PPP1R16B: variants seen among roughly 807,000 people sequenced by gnomAD.
PPP1R16B encodes protein phosphatase 1 regulatory inhibitor subunit 16B.
A neutral mutation model predicts 61.7 loss-of-function variants in PPP1R16B; 14 were observed. The ratio of observed to expected loss-of-function variants is 0.23; its 90% CI spans 0.15 to 0.35. The LOEUF is 0.35. Ranked by LOEUF, PPP1R16B falls within the 10% of genes least tolerant of loss-of-function variation. PPP1R16B has a pLI of 1.00. For synonymous variants in PPP1R16B, 266 were observed against 305.3 expected (o/e 0.87, Z 1.34); for missense variants, 547 against 752.5 (o/e 0.73, Z 3.19).
intron 10 of PPP1R16B, among the ~76,000 whole-genome samples, chr20:38,915,743 G>A (rs571149037): frequency 6.6e-6 from 1 of 152,108 alleles, no homozygotes; most frequent in East Asian, 1.9e-4. Context: ...ATCCACCATA[G>A]CCTCCCAAAG....
intron 2 of PPP1R16B, among the ~76,000 whole-genome samples, chr20:38,864,698 A>G (rs1359559223): frequency 1.3e-5 from 2 of 152,072 alleles, no homozygotes; most frequent in South Asian, 2.1e-4. Context: ...TCACCCAGAA[A>G]GACCACCGGA....
intron 1 of PPP1R16B, among the ~76,000 whole-genome samples, chr20:38,821,566 C>T (rs1184460567): frequency 1.3e-5 from 2 of 152,082 alleles, no homozygotes; most frequent in Non-Finnish European, 2.9e-5. Flanking sequence ...GCTGCCTAGA[C>T]CCTGGCACTT....
chr20:38,913,707 G>C (rs1247316619), intron 10 of PPP1R16B, among the ~76,000 whole-genome samples: 1 of 152,182 alleles, frequency 6.6e-6, no homozygotes, highest in Non-Finnish European at 1.5e-5. Context: ...AGGCTGCAAG[G>C]ACTGAGGGTT....
intron 2 of PPP1R16B, among the ~76,000 whole-genome samples, chr20:38,875,970 C>CT (rs34445273): frequency 0.3 from 31,515 of 104,136 alleles, 5,829 homozygotes; most frequent in East Asian, 0.38. Flanking sequence ...TGGTTTTGAA[C>CT]TTTTTTTTTT....
intron 2 of PPP1R16B, among the ~76,000 whole-genome samples, chr20:38,847,786 C>G (rs1362766018): frequency 6.6e-6 from 1 of 152,058 alleles, no homozygotes; most frequent in Non-Finnish European, 1.5e-5. Context: ...GGGAGAGATG[C>G]CAACTCTTTG....
chr20:38,888,048 G>A (rs1388643824), intron 2 of PPP1R16B, among the ~76,000 whole-genome samples: 1 of 152,198 alleles, frequency 6.6e-6, no homozygotes, highest in African/African-American at 2.4e-5. Context: ...CCTGCAGAAG[G>A]GATAGTCTTC....
intron 4 of PPP1R16B, among the ~76,000 whole-genome samples, chr20:38,898,104 G>T (rs567950412): frequency 6.6e-6 from 1 of 152,264 alleles, no homozygotes; most frequent in East Asian, 1.9e-4. Flanking sequence ...TCTCCTAAGA[G>T]TTTTATAGTT....
At chr20:38,887,048 C>T (rs1007574409) in intron 2 of PPP1R16B, among the ~76,000 whole-genome samples, 2 of 151,316 alleles carry the variant, frequency 1.3e-5, no homozygotes, top group African/African-American at 4.9e-5. Context: ...AGGAGTGGGG[C>T]AAAGGTGTGT....
chr20:38,865,396 TCTCCTGC>T (rs2085083610), intron 2 of PPP1R16B, among the ~76,000 whole-genome samples: 1 of 151,786 alleles, frequency 6.6e-6, no homozygotes, highest in African/African-American at 2.4e-5. Flanking sequence ...TTCACGCCAT[TCTCCTGC>T]CTCAGCCTTC....
intron 1 of PPP1R16B, among the ~76,000 whole-genome samples, chr20:38,811,815 A>T (rs2084702573): frequency 1.3e-5 from 2 of 152,210 alleles, no homozygotes; most frequent in African/African-American, 4.8e-5. Flanking sequence ...GGTGCACAGG[A>T]GAGCACCCCC....
chr20:38,903,579 G>A (rs13041307), intron 6 of PPP1R16B, among the ~76,000 whole-genome samples: 14,580 of 97,186 alleles, frequency 0.15, 749 homozygotes, highest in African/African-American at 0.18. Flanking sequence ...CCGTCCGTCC[G>A]TCCATCCATC....
chr20:38,916,496 C>G (rs1006359711), intron 10 of PPP1R16B, among the ~76,000 whole-genome samples: 2 of 151,126 alleles, frequency 1.3e-5, no homozygotes, highest in Non-Finnish European at 2.9e-5. Context: ...GTGGAGAATT[C>G]CTTCATTCTT....
chr20:38,887,090 GC>G (rs1433479510), intron 2 of PPP1R16B, among the ~76,000 whole-genome samples: 1 of 152,052 alleles, frequency 6.6e-6, no homozygotes, highest in African/African-American at 2.4e-5. Flanking sequence ...AGAGGCAGAT[GC>G]ATGGATGATG....
chr20:38,912,503 C>CAAAAA (rs58456397), intron 10 of PPP1R16B, among the ~76,000 whole-genome samples: 3 of 81,016 alleles, frequency 3.7e-5, no homozygotes, highest in African/African-American at 9.0e-5. Context: ...TACCCCCCAC[C>CAAAAA]AAAAAAAAAA....
intron 1 of PPP1R16B, among the ~76,000 whole-genome samples, chr20:38,831,685 G>A (rs2084838399): frequency 6.6e-6 from 1 of 152,156 alleles, no homozygotes; most frequent in South Asian, 2.1e-4. Context: ...GCCCACTGTG[G>A]CCCCATACCA....
chr20:38,912,096 C>CT (rs35770847), intron 10 of PPP1R16B, among the ~76,000 whole-genome samples: 6,268 of 127,392 alleles, frequency 0.049, 200 homozygotes, highest in Non-Finnish European at 0.06. Context: ...TATAGTCAGT[C>CT]TTTTTTTTTT....
intron 4 of PPP1R16B, among the ~76,000 whole-genome samples, chr20:38,896,159 C>G (rs1601298783): frequency 8.4e-6 from 1 of 118,720 alleles, no homozygotes; most frequent in Non-Finnish European, 1.7e-5. Flanking sequence ...TTCTTCCTCC[C>G]TCCCTTCCTT....
At chr20:38,853,353 C>T (rs930326724) in intron 2 of PPP1R16B, among the ~76,000 whole-genome samples, 46 of 152,184 alleles carry the variant, frequency 3.0e-4, no homozygotes, top group Non-Finnish European at 4.4e-5. Context: ...AAGTTGCATG[C>T]AGAGCAGAGG....
intron 4 of PPP1R16B, among the ~76,000 whole-genome samples, chr20:38,896,910 G>A (rs571614477): frequency 9.8e-5 from 15 of 152,314 alleles, no homozygotes; most frequent in African/African-American, 3.6e-4. Flanking sequence ...ACTTTGGGAG[G>A]CTGAGGCAAG....
Sources: allele counts gnomAD v4.1 joint callset (sites outside exome capture counted in the v4.1 genomes callset), GRCh38; gene constraint gnomAD v4.1.1; transcripts MANE v1.5; gene names NCBI Gene and HGNC (gene_info 2026-07-23, HGNC 2026-07-21).